The following YEATS4 variants were observed in gnomAD, a reference collection of about 807,000 sequenced individuals.
The protein encoded by YEATS4 is YEATS domain-containing protein 4.
YEATS4 carries 17 observed loss-of-function variants against 30.1 expected under a neutral mutation model. That is an observed-to-expected ratio of 0.56 (90% CI 0.39 to 0.85). The LOEUF (loss-of-function observed/expected upper bound fraction) is 0.85. Ranked by LOEUF, YEATS4 falls within the 40% of genes least tolerant of loss-of-function variation. The pLI, the probability that YEATS4 is intolerant of heterozygous loss-of-function variation, is 0.00. For missense variants in YEATS4, 142 were observed against 268.3 expected (o/e 0.53, Z 3.29); for synonymous variants, 85 against 87.5 (o/e 0.97, Z 0.16).
At chr12:69,399,865 A>G in the YEATS4 span, among the ~76,000 whole-genome samples, 1 of 152,252 alleles carries the variant, frequency 6.6e-6, no homozygotes, top group Non-Finnish European at 1.5e-5. Flanking sequence ...CAAATGAAAG[A>G]TGCCAGACAC....
downstream of YEATS4, among the ~76,000 whole-genome samples, chr12:69,392,870 C>T (rs1868326368): frequency 6.6e-6 from 1 of 152,158 alleles, no homozygotes; most frequent in African/African-American, 2.4e-5. Context: ...CTAAATACTT[C>T]TCAAACCTCC....
At chr12:69,391,139 C>G (rs1282665746), downstream of YEATS4, among the ~76,000 whole-genome samples, 1 of 151,968 alleles carries the variant, frequency 6.6e-6, no homozygotes, top group Non-Finnish European at 1.5e-5. Context: ...ACTAAAAATA[C>G]AAAAATTAGC....
chr12:69,401,421 G>A, the YEATS4 span, among the ~76,000 whole-genome samples: 1 of 152,186 alleles, frequency 6.6e-6, no homozygotes, highest in Non-Finnish European at 1.5e-5. Flanking sequence ...GTGTTGGGGA[G>A]CATGAGTAAA....
intron 6 of YEATS4, among the ~76,000 whole-genome samples, chr12:69,384,607 A>T (rs1284782739): frequency 6.6e-6 from 1 of 152,216 alleles, no homozygotes. Flanking sequence ...TTAGTTAAAG[A>T]TATTTAAATG....
chr12:69,395,274 A>G (rs1048615775), downstream of YEATS4, among the ~76,000 whole-genome samples: 3 of 152,180 alleles, frequency 2.0e-5, no homozygotes, highest in African/African-American at 7.2e-5. Flanking sequence ...AGATATGTAC[A>G]AGAATTTTCA....
chr12:69,406,596 A>AT, the YEATS4 span, among the ~76,000 whole-genome samples: 19,089 of 152,004 alleles, frequency 0.13, 1,526 homozygotes, highest in East Asian at 0.38. Flanking sequence ...AAGATTGAGT[A>AT]TTTTTTGTAC....
the YEATS4 span, chr12:69,401,201 T>TAA: frequency 5.3e-4 from 78 of 146,766 alleles, no homozygotes; most frequent in Admixed American, 1.4e-3. Context: ...CCTTGTCTCT[T>TAA]AAAAAAAAAA....
At chr12:69,418,791 T>A in the YEATS4 span, among the ~76,000 whole-genome samples, 9 of 152,094 alleles carry the variant, frequency 5.9e-5, no homozygotes, top group East Asian at 1.7e-3. Context: ...GTTGTAAATA[T>A]AGCTGGCTTG....
At chr12:69,366,579 A>G (rs1875442838) in intron 4 of YEATS4, among the ~76,000 whole-genome samples, 1 of 152,096 alleles carries the variant, frequency 6.6e-6, no homozygotes, top group South Asian at 2.1e-4. Context: ...TTTTCTTTTG[A>G]GTAAAACCAC....
chr12:69,360,274 C>T lies in YEATS4; in HGVS notation c.51+251C>T, dbSNP rs1435647168. On this transcript the variant is annotated intron_variant, in intron 1 of 6. Coordinates refer to ENST00000247843, the MANE Select transcript of YEATS4 (RefSeq NM_006530.4). Reference sequence around the variant, plus strand: ...ACAGATAAATGGTGGCTTGGGGAAACCCGGACGTGGCTGCCAAGGAAACGG... The same window carrying T: ...ACAGATAAATGGTGGCTTGGGGAAATCCGGACGTGGCTGCCAAGGAAACGG... 3.3e-5 allele frequency among the ~76,000 whole-genome samples: 5 copies of T among 152,296 alleles called. No individual in the cohort carries two copies. The East Asian group carries it at 9.6e-4, about 29-fold the overall frequency.
At chr12:69,405,612 G>A in the YEATS4 span, among the ~76,000 whole-genome samples, 2 of 152,142 alleles carry the variant, frequency 1.3e-5, no homozygotes, top group Non-Finnish European at 2.9e-5. Flanking sequence ...GTGATACTAC[G>A]ACAGTGAATT....
chr12:69,375,414 C>G (rs1875826256), intron 6 of YEATS4, among the ~76,000 whole-genome samples: 1 of 148,730 alleles, frequency 6.7e-6, no homozygotes, highest in Non-Finnish European at 1.5e-5. Flanking sequence ...TCCTCACTTC[C>G]CAGACTGGGC....
chr12:69,379,688 T>G (rs1482829758), intron 6 of YEATS4, among the ~76,000 whole-genome samples: 1 of 141,400 alleles, frequency 7.1e-6, no homozygotes, highest in East Asian at 2.2e-4. Flanking sequence ...CAGTCCTCCC[T>G]CCTTGGCCTC....
At chr12:69,423,435 G>T in the YEATS4 span, among the ~76,000 whole-genome samples, 1 of 152,140 alleles carries the variant, frequency 6.6e-6, no homozygotes, top group East Asian at 1.9e-4. Context: ...TGAGGAGGAG[G>T]CATTTAAGTT....
At chr12:69,394,485 T>C (rs1207481553), downstream of YEATS4, among the ~76,000 whole-genome samples, 1 of 152,214 alleles carries the variant, frequency 6.6e-6, no homozygotes, top group Admixed American at 6.5e-5. Flanking sequence ...AGAATATGCA[T>C]ATTTAAATAG....
chr12:69,371,337 C>T (rs933220260), intron 6 of YEATS4, among the ~76,000 whole-genome samples: 4 of 152,192 alleles, frequency 2.6e-5, no homozygotes, highest in Non-Finnish European at 4.4e-5. Flanking sequence ...CATAATTATA[C>T]TTTTATATAC....
chr12:69,378,098 C>T (rs1002220490), intron 6 of YEATS4, among the ~76,000 whole-genome samples: 1 of 152,154 alleles, frequency 6.6e-6, no homozygotes, highest in African/African-American at 2.4e-5. Flanking sequence ...TATATAATGA[C>T]CCTGTCTCTT....
At chr12:69,362,715 T>A in intron 1 of YEATS4, 73 bp from the exon 2 acceptor site, 1 of 1,199,050 alleles carries the variant, frequency 8.3e-7, no homozygotes, top group Non-Finnish European at 1.1e-6. Context: ...TAAAGCAAGT[T>A]TTCAGAGCTC....
chr12:69,369,489 C>T (rs1271001339), intron 4 of YEATS4, among the ~76,000 whole-genome samples: 1 of 152,146 alleles, frequency 6.6e-6, no homozygotes, highest in Non-Finnish European at 1.5e-5. Flanking sequence ...AAGAGAAAGT[C>T]AAGAGGCCTA....
Sources: allele counts gnomAD v4.1 joint callset (sites outside exome capture counted in the v4.1 genomes callset), GRCh38; gene constraint gnomAD v4.1.1; transcripts MANE v1.5; gene names NCBI Gene and HGNC (gene_info 2026-07-23, HGNC 2026-07-21).